Variants in GDPD4 observed in about 807,000 individuals in gnomAD.
GDPD4 encodes the protein glycerophosphodiester phosphodiesterase domain containing 4.
GDPD4 carries 60 observed loss-of-function variants against 67.8 expected under a neutral mutation model. That is an observed-to-expected ratio of 0.88 (90% CI 0.72 to 1.10). The LOEUF (loss-of-function observed/expected upper bound fraction) is 1.10. GDPD4 is among the 50% of genes least tolerant of loss of function. GDPD4 has a pLI of 0.00. For missense variants in GDPD4, 623 were observed against 613.9 expected, an observed-to-expected ratio of 1.01 and a Z score of -0.16; for synonymous variants, 212 against 210.9, an observed-to-expected ratio of 1.00 and a Z score of -0.04.
intron 13 of GDPD4, among the ~76,000 whole-genome samples, chr11:77,236,108 G>A (rs1414069057): frequency 6.6e-6 from 1 of 152,004 alleles, no homozygotes; most frequent in East Asian, 1.9e-4. Flanking sequence ...AAAATAGCAT[G>A]ATGGTAATGT....
chr11:77,289,696 A>C (rs772580349), intron 1 of GDPD4, among the ~76,000 whole-genome samples: 4 of 151,278 alleles, frequency 2.6e-5, no homozygotes, highest in Middle Eastern at 3.4e-3. Context: ...GCACCACTGC[A>C]CTCCAGCCTG....
chr11:77,228,770 CAGA>C (rs1474825463), intron 15 of GDPD4, among the ~76,000 whole-genome samples: 1 of 152,152 alleles, frequency 6.6e-6, no homozygotes, highest in African/African-American at 2.4e-5. Flanking sequence ...GGGACAAAGC[CAGA>C]GCTAAAACCC....
chr11:77,217,326 A>AAAAG lies in GDPD4; in HGVS notation c.1526-16_1526-13dup. 5 of 1,592,594 alleles carry AAAAG rather than the reference A, an allele frequency of 3.1e-6. No individual in the cohort carries two copies. Among genetic ancestry groups the AAAAG allele is most frequent in the African/African-American group, 1.3e-5 (1 of 74,606 alleles). ...TCCACTCTGAGTATCTGTGGGATGG[A>AAAAG]AAAGACACAGATTCCTCAAATGTCA... is the stretch of plus-strand genomic sequence containing the variant. On this transcript the variant is annotated splice_polypyrimidine_tract_variant and intron_variant, in intron 16 of 16. Coordinates refer to ENST00000315938, the MANE Select transcript of GDPD4 (RefSeq NM_182833.3).
chr11:77,271,158 G>A lies in GDPD4; in HGVS notation c.372C>T (p.Ala124=). Residue 124 remains alanine, a synonymous_variant, in exon 7 of 17, where the codon GCC becomes GCT. Transcript: ENST00000315938. The part of the protein sequence containing the change: ...TVMVILFWPV[A]FYVACLEREV... ...CTCTTTCCAAACATGCCACGTAGAA[G>A]GCCACAGGCCAGAAAAGGATAACCA... is the stretch of plus-strand genomic sequence containing the variant. 1 of 1,612,298 alleles carries A rather than the reference G, an allele frequency of 6.2e-7. No homozygotes were observed. Among genetic ancestry groups the A allele is most frequent in the Non-Finnish European group, 8.5e-7 (1 of 1,179,198 alleles).
chr11:77,227,686 G>A (rs1362226352), intron 16 of GDPD4, among the ~76,000 whole-genome samples, 178 bp downstream of exon 16: 2 of 152,182 alleles, frequency 1.3e-5, no homozygotes, highest in South Asian at 2.1e-4. Context: ...GAAGCCTGAT[G>A]TACAGAGTCC....
chr11:77,245,003 A>G (rs1273741898), intron 12 of GDPD4, among the ~76,000 whole-genome samples: 1 of 152,242 alleles, frequency 6.6e-6, no homozygotes, highest in Non-Finnish European at 1.5e-5. Context: ...CACATTAGAT[A>G]GTTATTACAC....
chr11:77,259,567 C>CA (rs58042628), intron 10 of GDPD4, among the ~76,000 whole-genome samples: 31,902 of 143,804 alleles, frequency 0.22, 3,940 homozygotes, highest in Middle Eastern at 0.31. Flanking sequence ...CTGAGAAAAG[C>CA]AAAAAAAAAA....
chr11:77,290,897 G>A (rs1416736642), intron 1 of GDPD4, among the ~76,000 whole-genome samples: 1 of 152,156 alleles, frequency 6.6e-6, no homozygotes, highest in Admixed American at 6.5e-5. Flanking sequence ...CAAAGATAGA[G>A]GGCACTCTTA....
At chr11:77,228,866 G>C (rs1294465776) in intron 15 of GDPD4, among the ~76,000 whole-genome samples, 1 of 152,146 alleles carries the variant, frequency 6.6e-6, no homozygotes, top group African/African-American at 2.4e-5. Flanking sequence ...ACTTGTTCTG[G>C]ACAATATTCA....
At chr11:77,263,459 G>A (rs1025131413) in intron 10 of GDPD4, among the ~76,000 whole-genome samples, 6 of 152,054 alleles carry the variant, frequency 3.9e-5, no homozygotes, top group African/African-American at 1.4e-4. Flanking sequence ...AAGAGGTATA[G>A]CTAATAATCC....
intron 13 of GDPD4, among the ~76,000 whole-genome samples, chr11:77,243,170 C>T (rs551619516): frequency 6.6e-6 from 1 of 152,230 alleles, no homozygotes; most frequent in African/African-American, 2.4e-5. Flanking sequence ...AAATTTGTCT[C>T]TAATTGTATA....
chr11:77,231,319 G>T (rs2135829098), intron 14 of GDPD4, among the ~76,000 whole-genome samples: 1 of 152,184 alleles, frequency 6.6e-6, no homozygotes, highest in Admixed American at 6.5e-5. Flanking sequence ...TCAAACAGAA[G>T]AAACAAAAAA....
chr11:77,275,096 T>C (rs986218094), intron 5 of GDPD4, among the ~76,000 whole-genome samples: 1 of 152,318 alleles, frequency 6.6e-6, no homozygotes, highest in Middle Eastern at 3.4e-3. Flanking sequence ...AAATGATAAA[T>C]GCTTGAGATG....
Position 77,228,953 on chromosome 11 carries a change from C to T in GDPD4, c.1472+197G>A, listed in dbSNP as rs533695462. Among the ~76,000 whole-genome samples the T allele has an allele frequency of 1.5e-3, 231 of 152,256 alleles. 1 individual carries two copies. The highest frequency in any genetic ancestry group is 2.4e-3 in the Non-Finnish European group (163 of 68,022). Reference sequence around the variant, plus strand: ...ACTAAGCTTTAGTGACAGTCCCTATCCTGAAAATATTGTCTTATTTGGGGG... The same window carrying T: ...ACTAAGCTTTAGTGACAGTCCCTATTCTGAAAATATTGTCTTATTTGGGGG... On this transcript the variant is annotated intron_variant, in intron 15 of 16. Transcript: ENST00000315938.
intron 10 of GDPD4, among the ~76,000 whole-genome samples, chr11:77,265,149 G>A (rs944163819): frequency 1.3e-5 from 2 of 151,998 alleles, no homozygotes; most frequent in Non-Finnish European, 2.9e-5. Context: ...TTTTCCTTGA[G>A]TTTCAAATTT....
intron 13 of GDPD4, among the ~76,000 whole-genome samples, chr11:77,233,444 T>C (rs1173943673): frequency 2.6e-4 from 9 of 34,574 alleles, no homozygotes; most frequent in African/African-American, 6.4e-4. Context: ...AGAAAACATA[T>C]TGAAAAAAAA....
intron 14 of GDPD4, among the ~76,000 whole-genome samples, chr11:77,232,000 G>T (rs2135829741): frequency 6.6e-6 from 1 of 152,288 alleles, no homozygotes; most frequent in East Asian, 1.9e-4. Context: ...CTTGACTCTG[G>T]ATCCCTTTTC....
At chr11:77,256,309 C>T (rs1345423691) in intron 11 of GDPD4, among the ~76,000 whole-genome samples, 1 of 152,118 alleles carries the variant, frequency 6.6e-6, no homozygotes, top group East Asian at 1.9e-4. Context: ...TAATGGAGCA[C>T]CTCTAGTTTT....
chr11:77,261,151 T>A (rs1959108129), intron 10 of GDPD4, among the ~76,000 whole-genome samples: 1 of 152,224 alleles, frequency 6.6e-6, no homozygotes, highest in Non-Finnish European at 1.5e-5. Context: ...TGCAGGCATA[T>A]CTTGTGATAC....
Sources: allele counts gnomAD v4.1 joint callset (sites outside exome capture counted in the v4.1 genomes callset), GRCh38; gene constraint gnomAD v4.1.1; transcripts MANE v1.5; gene names NCBI Gene and HGNC (gene_info 2026-07-23, HGNC 2026-07-21).